RIMS2: variants seen among roughly 807,000 people sequenced by gnomAD.
RIMS2 encodes regulating synaptic membrane exocytosis protein 2.
In RIMS2, 59 loss-of-function variants were observed where a neutral mutation model predicts 174.4. The observed-to-expected ratio is 0.34, with a 90% confidence interval of 0.27 to 0.42. The LOEUF (loss-of-function observed/expected upper bound fraction) is 0.42. RIMS2 is among the 10% of genes least tolerant of loss of function. RIMS2 has a pLI of 1.00. For synonymous variants in RIMS2, 606 were observed against 572.5 expected (o/e 1.06, Z -0.84); for missense variants, 1,620 against 1,666.3 (o/e 0.97, Z 0.48).
chr8:104,126,828 T>C, intron 19 of RIMS2, among the ~76,000 whole-genome samples: 1 of 152,156 alleles, frequency 6.6e-6, no homozygotes, highest in Admixed American at 6.5e-5. Flanking sequence ...AAATAAATTT[T>C]TATAAAGCTG....
At chr8:103,585,860 C>A (rs1177524428) in intron 1 of RIMS2, among the ~76,000 whole-genome samples, 2 of 151,044 alleles carry the variant, frequency 1.3e-5, no homozygotes, top group Admixed American at 6.6e-5. Flanking sequence ...CAAACCTGCA[C>A]TTTCTGCACA....
intron 3 of RIMS2, among the ~76,000 whole-genome samples, chr8:103,849,402 G>A (rs892053451): frequency 6.6e-6 from 1 of 152,114 alleles, no homozygotes; most frequent in Non-Finnish European, 1.5e-5. Flanking sequence ...TTAAGGAGGT[G>A]ATGGAAGCAA....
chr8:104,041,000 G>A (rs1224356189), intron 19 of RIMS2, among the ~76,000 whole-genome samples: 1 of 151,614 alleles, frequency 6.6e-6, no homozygotes, highest in Non-Finnish European at 1.5e-5. Flanking sequence ...AACTAACACT[G>A]TTTTTACTAA....
At chr8:103,726,743 A>AT (rs1306275987) in intron 2 of RIMS2, among the ~76,000 whole-genome samples, 1 of 147,742 alleles carries the variant, frequency 6.8e-6, no homozygotes, top group African/African-American at 2.5e-5. Flanking sequence ...ATATATATAT[A>AT]TATTTTTGAG....
At chr8:103,978,482 A>G (rs2093633805) in intron 16 of RIMS2, among the ~76,000 whole-genome samples, 1 of 150,384 alleles carries the variant, frequency 6.6e-6, no homozygotes, top group Non-Finnish European at 1.5e-5. Flanking sequence ...TGAATTAGAC[A>G]GTCTGTACTT....
intron 19 of RIMS2, among the ~76,000 whole-genome samples, chr8:104,112,268 C>A (rs560934575): frequency 6.6e-6 from 1 of 152,182 alleles, no homozygotes; most frequent in East Asian, 1.9e-4. Flanking sequence ...GTTATACTTT[C>A]AGAGTCTTCA....
At chr8:103,907,831 C>CGCCT (rs1420384648) in intron 4 of RIMS2, among the ~76,000 whole-genome samples, 1 of 151,524 alleles carries the variant, frequency 6.6e-6, no homozygotes, top group Non-Finnish European at 1.5e-5. Flanking sequence ...CTGCAAGTTC[C>CGCCT]GCCTCCCGGG....
intron 4 of RIMS2, among the ~76,000 whole-genome samples, chr8:103,897,385 C>T (rs930041114): frequency 6.6e-6 from 1 of 151,678 alleles, no homozygotes; most frequent in African/African-American, 2.4e-5. Flanking sequence ...GATGTTTGTC[C>T]TCCTTTGTCA....
At chr8:103,707,502 C>A (rs1449298609) in intron 2 of RIMS2, among the ~76,000 whole-genome samples, 1 of 152,190 alleles carries the variant, frequency 6.6e-6, no homozygotes, top group South Asian at 2.1e-4. Flanking sequence ...GCACTCTAAG[C>A]CCATGTGTGC....
intron 1 of RIMS2, among the ~76,000 whole-genome samples, chr8:103,680,401 A>T (rs1311066228): frequency 1.3e-5 from 2 of 152,058 alleles, no homozygotes; most frequent in African/African-American, 4.8e-5. Context: ...AAAAGCCTAA[A>T]TATGACTGGT....
intron 17 of RIMS2, among the ~76,000 whole-genome samples, chr8:104,012,522 G>A (rs2095796527): frequency 6.6e-6 from 1 of 151,848 alleles, no homozygotes; most frequent in Non-Finnish European, 1.5e-5. Context: ...AACTGGATGG[G>A]GAGGTGATAA....
At chr8:103,878,591 G>T (rs2099152693) in intron 3 of RIMS2, among the ~76,000 whole-genome samples, 1 of 151,906 alleles carries the variant, frequency 6.6e-6, no homozygotes, top group East Asian at 1.9e-4. Context: ...CATAGCATGA[G>T]TCAGGTAGGA....
chr8:103,579,195 G>A (rs1171183692), intron 1 of RIMS2, among the ~76,000 whole-genome samples: 1 of 151,796 alleles, frequency 6.6e-6, no homozygotes, highest in Non-Finnish European at 1.5e-5. Flanking sequence ...TTGAGCCTGG[G>A]AGTTCAGGAC....
intron 17 of RIMS2, among the ~76,000 whole-genome samples, chr8:103,995,485 G>A (rs1458489345): frequency 1.3e-5 from 2 of 151,970 alleles, no homozygotes; most frequent in South Asian, 4.1e-4. Flanking sequence ...GGAGAATGGT[G>A]GGCATTCTTG....
intron 1 of RIMS2, among the ~76,000 whole-genome samples, chr8:103,689,959 CT>C (rs35912055): frequency 3.2e-3 from 436 of 137,528 alleles, no homozygotes; most frequent in Middle Eastern, 7.6e-3. Context: ...CTCCATGTGT[CT>C]TTTTTTTTTT....
intron 18 of RIMS2, among the ~76,000 whole-genome samples, chr8:104,013,829 A>T (rs182345975): frequency 2.0e-5 from 3 of 152,202 alleles, no homozygotes; most frequent in South Asian, 2.1e-4. Context: ...AACTGTCCTG[A>T]CTGCATTTGT....
intron 12 of RIMS2, among the ~76,000 whole-genome samples, chr8:103,933,862 CAATTTTTTTGAA>C (rs1227117828): frequency 7.2e-5 from 11 of 151,988 alleles, no homozygotes; most frequent in Non-Finnish European, 1.6e-4. Context: ...ATTTTTTTGA[CAATTTTTTTGAA>C]AGAAATACTT....
chr8:103,834,835 C>T (rs1215290418), intron 3 of RIMS2, among the ~76,000 whole-genome samples: 6 of 151,524 alleles, frequency 4.0e-5, no homozygotes, highest in South Asian at 2.1e-4. Flanking sequence ...ACTGCAGTGG[C>T]GCTGTCTCGG....
intron 3 of RIMS2, among the ~76,000 whole-genome samples, chr8:103,794,071 G>GA (rs920336725): frequency 3.3e-5 from 5 of 151,920 alleles, no homozygotes; most frequent in Non-Finnish European, 5.9e-5. Flanking sequence ...TTACAGAATT[G>GA]AAAAAAACTA....
Sources: gnomAD v4.1 joint callset for allele counts (sites outside exome capture counted in the v4.1 genomes callset) on GRCh38, gnomAD v4.1.1 for gene constraint, MANE v1.5 for transcripts, NCBI Gene and HGNC (gene_info 2026-07-23, HGNC 2026-07-21) for gene names.